Variants in MYO1B observed in about 807,000 individuals in gnomAD.
MYO1B encodes the protein myosin IB, also known as unconventional myosin-Ib.
A neutral mutation model predicts 159.7 loss-of-function variants in MYO1B; 72 were observed. That is an observed-to-expected ratio of 0.45 (90% CI 0.37 to 0.55). MYO1B has a LOEUF of 0.55. Among genes scored for constraint, MYO1B ranks in the 20% least tolerant of loss-of-function variants. The pLI is 0.00. For missense variants in MYO1B, 1,062 were observed against 1,364.8 expected, an observed-to-expected ratio of 0.78 and a Z score of 3.50; for synonymous variants, 468 against 473.8, an observed-to-expected ratio of 0.99 and a Z score of 0.16.
intron 1 of MYO1B, among the ~76,000 whole-genome samples, chr2:191,270,797 A>G (rs1687409889): frequency 6.6e-6 from 1 of 152,202 alleles, no homozygotes; most frequent in Admixed American, 6.5e-5. Context: ...TGCTATTCTT[A>G]AAAGCATTAG....
intron 7 of MYO1B, among the ~76,000 whole-genome samples, chr2:191,358,281 A>G (rs1574501247): frequency 1.3e-5 from 2 of 152,334 alleles, no homozygotes; most frequent in South Asian, 4.1e-4. Context: ...TATGATAAAA[A>G]ATGAAAAGCA....
intron 30 of MYO1B, among the ~76,000 whole-genome samples, chr2:191,416,815 GA>G (rs929546326): frequency 1.7e-4 from 24 of 143,432 alleles, no homozygotes; most frequent in Admixed American, 2.8e-4. Context: ...CTCCGTCTCA[GA>G]AAAAAAAAAA....
intron 1 of MYO1B, among the ~76,000 whole-genome samples, chr2:191,260,508 AAAG>A (rs778881407): frequency 2.6e-5 from 4 of 151,984 alleles, no homozygotes; most frequent in Non-Finnish European, 4.4e-5. Flanking sequence ...TTTTTACACA[AAAG>A]AACATATTTT....
intron 22 of MYO1B, 124 bp downstream of exon 22, chr2:191,400,592 T>A: frequency 7.3e-7 from 1 of 1,364,900 alleles, no homozygotes; most frequent in Non-Finnish European, 1.0e-6. Flanking sequence ...GTTTGCTTCT[T>A]GCTCTTTCCA....
Position 191,370,255 on chromosome 2 carries a change from T to C in MYO1B, c.1148T>C (p.Met383Thr). The change falls in exon 13 of 31, where the codon ATG (methionine) becomes ACG (threonine). Residue 383 changes from methionine to threonine, a missense_variant. Physicochemically the swap from Met to Thr is moderately conservative, Grantham distance 81. Transcript: ENST00000392318. Reference protein sequence around the residue: ...KAQTKVRKKVMGVLDIYGFEI... With the variant: ...KAQTKVRKKVTGVLDIYGFEI... ...CAAACAAAAGTGAGAAAGAAGGTCATGGGTGTTCTGGACATTTATGGCTTT... is the reference window on the plus strand; with the variant it reads ...CAAACAAAAGTGAGAAAGAAGGTCACGGGTGTTCTGGACATTTATGGCTTT... 2 of 1,613,468 alleles carry C rather than the reference T, an allele frequency of 1.2e-6. No homozygotes were observed. The highest frequency in any genetic ancestry group is 1.7e-6 in the Non-Finnish European group (2 of 1,179,660).
intron 3 of MYO1B, among the ~76,000 whole-genome samples, chr2:191,298,848 G>A (rs1319864446): frequency 6.6e-6 from 1 of 152,138 alleles, no homozygotes; most frequent in Non-Finnish European, 1.5e-5. Context: ...ACAGCTGGTG[G>A]GAGTGGAGCC....
chr2:191,384,303 T>C (rs773843508), intron 15 of MYO1B, among the ~76,000 whole-genome samples: 4 of 152,242 alleles, frequency 2.6e-5, no homozygotes, highest in Non-Finnish European at 5.9e-5. Flanking sequence ...GCAGTCTTTT[T>C]AGCAAGACCA....
chr2:191,414,709 G>T, intron 29 of MYO1B, 40 bp downstream of exon 29: 1 of 1,561,728 alleles, frequency 6.4e-7, no homozygotes, highest in Non-Finnish European at 8.6e-7. Flanking sequence ...TAATCTCTCA[G>T]CCATTGATTT....
chr2:191,337,615 AATT>A (rs1691940000), intron 4 of MYO1B, among the ~76,000 whole-genome samples: 1 of 152,172 alleles, frequency 6.6e-6, no homozygotes, highest in Admixed American at 6.5e-5. Context: ...GCTGTTGATG[AATT>A]TTAAGATTCA....
At chr2:191,278,807 A>G (rs951303042) in intron 2 of MYO1B, among the ~76,000 whole-genome samples, 1 of 152,258 alleles carries the variant, frequency 6.6e-6, no homozygotes. Context: ...AATTGAAAGT[A>G]TGCTCTGATA....
At chr2:191,248,844 GC>G (rs1685947025) in intron 1 of MYO1B, among the ~76,000 whole-genome samples, 1 of 152,112 alleles carries the variant, frequency 6.6e-6, no homozygotes, top group Non-Finnish European at 1.5e-5. Context: ...TAGTTGGTTA[GC>G]CCCTGGCAGA....
intron 6 of MYO1B, among the ~76,000 whole-genome samples, chr2:191,347,568 A>G (rs963211653): frequency 6.6e-6 from 1 of 152,242 alleles, no homozygotes; most frequent in African/African-American, 2.4e-5. Flanking sequence ...TTAAAAGGCT[A>G]TTACTACTCA....
chr2:191,309,788 T>C (rs539417644), intron 3 of MYO1B, among the ~76,000 whole-genome samples: 1 of 152,380 alleles, frequency 6.6e-6, no homozygotes, highest in African/African-American at 2.4e-5. Flanking sequence ...CTTAGGCTAC[T>C]TTATTTTTCT....
intron 1 of MYO1B, among the ~76,000 whole-genome samples, chr2:191,247,044 G>A (rs552379694): frequency 6.2e-4 from 95 of 152,340 alleles, no homozygotes; most frequent in African/African-American, 2.2e-3. Flanking sequence ...AGGGAGCTAT[G>A]GGGGATTGAA....
intron 7 of MYO1B, 104 bp from the exon 8 acceptor site, chr2:191,360,527 T>C: frequency 1.5e-6 from 1 of 675,844 alleles, no homozygotes; most frequent in South Asian, 2.3e-5. Context: ...TATTTCATTT[T>C]ATTACTGCAG....
In MYO1B at chr2:191,250,030, T is replaced by C. The variant is rs142922359; in HGVS notation, c.-10+4404T>C. Among the ~76,000 whole-genome samples the C allele has an allele frequency of 2.2e-3, 340 of 152,354 alleles. 2 individuals carry two copies. Among genetic ancestry groups the C allele is most frequent in the African/African-American group, 7.6e-3 (316 of 41,588 alleles). On this transcript the variant is annotated intron_variant, in intron 1 of 30. Transcript: ENST00000392318. ...GCCTCTTCCTCATCAGTTCATATTT[T>C]ATTAAGCACACAGGTCATGCAAGAC...
intron 14 of MYO1B, among the ~76,000 whole-genome samples, chr2:191,382,930 A>G (rs2126075774): frequency 1.3e-5 from 2 of 152,338 alleles, no homozygotes; most frequent in South Asian, 4.1e-4. Context: ...TTATTTCCTT[A>G]TAAACATTGT....
rs772043122 is a variant in MYO1B at position 191,390,283 on chromosome 2, AT to A, written c.1782-8del. On this transcript the variant is annotated splice_polypyrimidine_tract_variant and splice_region_variant and intron_variant, in intron 17 of 30. Transcript: ENST00000392318. ...CAGTTTATAACCTAAAATCTTTGTG[AT>A]CTTTAAGGTGTATCAAACCGAATGA... 6.2e-7 allele frequency: 1 copy of A among 1,604,186 alleles called. No homozygotes were observed. Among genetic ancestry groups the A allele is most frequent in the Non-Finnish European group, 8.5e-7 (1 of 1,173,376 alleles).
At chr2:191,374,329 T>C (rs1243025436) in intron 13 of MYO1B, among the ~76,000 whole-genome samples, 1 of 152,240 alleles carries the variant, frequency 6.6e-6, no homozygotes, top group East Asian at 1.9e-4. Flanking sequence ...AGATAACATG[T>C]ATTTTTTTAT....
Sources: gnomAD v4.1 joint callset for allele counts (sites outside exome capture counted in the v4.1 genomes callset) on GRCh38, gnomAD v4.1.1 for gene constraint, MANE v1.5 for transcripts, NCBI Gene and HGNC (gene_info 2026-07-23, HGNC 2026-07-21) for gene names.